FDFT1: variants seen among roughly 807,000 people sequenced by gnomAD.
FDFT1 encodes squalene synthase.
In FDFT1, 68 loss-of-function variants were observed where a neutral mutation model predicts 46.8. The observed-to-expected ratio is 1.45, with a 90% CI of 1.19 to 1.78. FDFT1 has a LOEUF of 1.78. Among genes scored for constraint, FDFT1 ranks in the 40% most tolerant of loss-of-function variants. The pLI is 0.00. For synonymous variants in FDFT1, 351 were observed against 185.1 expected, an observed-to-expected ratio of 1.90 and a Z score of -7.28; for missense variants, 928 against 524.4, an observed-to-expected ratio of 1.77 and a Z score of -7.52.
At chr8:11,828,608 A>G (rs1486937634) in intron 5 of FDFT1, among the ~76,000 whole-genome samples, 3 of 152,274 alleles carry the variant, frequency 2.0e-5, no homozygotes, top group African/African-American at 7.2e-5. Flanking sequence ...TCTTGCACAC[A>G]CAGGAGCAGA....
At chr8:11,808,505 G>T (rs1230099495) in intron 1 of FDFT1, 2 of 1,329,064 alleles carry the variant, frequency 1.5e-6, no homozygotes, top group Non-Finnish European at 1.9e-6. Context: ...ACTCCGCGGG[G>T]TCCGCGATTC....
rs755611965 is a variant in FDFT1 at position 11,835,971 on chromosome 8, T to TA, written c.1033-2393dup. ...TTATGTGATGAAACCCTGTCTCTAC[T>TA]AAAAAAAAAAAAAAAAAAAAAAAAT... On this transcript the variant is annotated intron_variant, in intron 7 of 7. Transcript: ENST00000220584. 7.1e-4 allele frequency among the ~76,000 whole-genome samples: 46 copies of TA among 64,614 alleles called. 1 individual carries two copies. The highest frequency in any genetic ancestry group is 1.5e-3 in the African/African-American group (29 of 19,766). 42.4% of individuals were successfully genotyped at this position (64,614 alleles called of 152,430 possible).
chr8:11,805,473 T>C (rs1015589722), intron 1 of FDFT1, among the ~76,000 whole-genome samples: 10 of 152,246 alleles, frequency 6.6e-5, no homozygotes, highest in African/African-American at 2.2e-4. Context: ...ATCTAAATCC[T>C]GTTATTTAGA....
upstream of FDFT1, among the ~76,000 whole-genome samples, chr8:11,801,473 C>T (rs1361866232): frequency 6.6e-6 from 1 of 152,188 alleles, no homozygotes; most frequent in Non-Finnish European, 1.5e-5. Flanking sequence ...GCGCCTGCCA[C>T]CATGCCTGGC....
At chr8:11,825,233 T>C (rs1809798489) in intron 4 of FDFT1, among the ~76,000 whole-genome samples, 1 of 152,112 alleles carries the variant, frequency 6.6e-6, no homozygotes, top group Non-Finnish European at 1.5e-5. Context: ...CATAGTTTTA[T>C]GTATCAAAAA....
chr8:11,812,687 G>A (rs1265858173), intron 3 of FDFT1, among the ~76,000 whole-genome samples: 4 of 152,156 alleles, frequency 2.6e-5, no homozygotes, highest in Admixed American at 2.0e-4. Flanking sequence ...TAGTATGTGG[G>A]CCTCCATTTG....
intron 1 of FDFT1, chr8:11,808,521 G>A: frequency 7.5e-7 from 1 of 1,332,270 alleles, no homozygotes; most frequent in Non-Finnish European, 9.6e-7. Context: ...GATTCCCATG[G>A]CCGCAGCCGC....
At chr8:11,824,870 G>T (rs1809750338) in intron 4 of FDFT1, among the ~76,000 whole-genome samples, 1 of 152,054 alleles carries the variant, frequency 6.6e-6, no homozygotes, top group Non-Finnish European at 1.5e-5. Flanking sequence ...TGAGTAGCTG[G>T]GACTACAGGC....
In FDFT1 at chr8:11,826,134, G is replaced by C. The variant is rs763584938; in HGVS notation, c.621G>C (p.Met207Ile). The part of the protein sequence containing the change: ...VGEDTERANS[M>I]GLFLQKTNII... Reference sequence around the variant, plus strand: ...AAGATACAGAACGTGCCAACTCTATGGGCCTGTTTTTGCAGAAAACAAACA... The same window carrying C: ...AAGATACAGAACGTGCCAACTCTATCGGCCTGTTTTTGCAGAAAACAAACA... Residue 207 changes from methionine (M) to isoleucine (I), a missense_variant, in exon 5 of 8, where the codon ATG becomes ATC. Transcript: ENST00000220584. 6.2e-7 allele frequency: 1 copy of C among 1,609,076 alleles called. No homozygotes were observed. Among genetic ancestry groups the C allele is most frequent in the Non-Finnish European group, 8.5e-7 (1 of 1,176,192 alleles).
At chr8:11,824,157 T>G (rs1809642457) in intron 4 of FDFT1, among the ~76,000 whole-genome samples, 1 of 152,178 alleles carries the variant, frequency 6.6e-6, no homozygotes, top group East Asian at 1.9e-4. Flanking sequence ...ACTTCGGTCA[T>G]TTCCTAACTT....
intron 1 of FDFT1, chr8:11,808,278 CG>C: frequency 1.6e-6 from 2 of 1,219,758 alleles, no homozygotes; most frequent in Non-Finnish European, 2.0e-6. Context: ...GCGAGCCGCT[CG>C]GAAGTGCGCT....
intron 3 of FDFT1, among the ~76,000 whole-genome samples, chr8:11,820,882 C>G (rs890587525): frequency 6.6e-5 from 10 of 152,218 alleles, no homozygotes; most frequent in Admixed American, 3.3e-4. Flanking sequence ...CACCCACTGT[C>G]CAACCAGTGC....
chr8:11,808,591 C>A, intron 1 of FDFT1: 1 of 1,387,004 alleles, frequency 7.2e-7, no homozygotes, highest in Non-Finnish European at 9.3e-7. Flanking sequence ...CCCGCCGCGG[C>A]GCCCAGGGGC....
At chr8:11,825,929 C>A in intron 4 of FDFT1, 95 bp from the exon 5 acceptor site, 1 of 771,632 alleles carries the variant, frequency 1.3e-6, no homozygotes, top group African/African-American at 1.7e-5. Context: ...TACCCATTCT[C>A]TTTTGAACCT....
intron 1 of FDFT1, 124 bp from the exon 2 acceptor site, chr8:11,808,670 T>A: frequency 6.8e-7 from 1 of 1,477,502 alleles, no homozygotes. Flanking sequence ...AGGACTGGCC[T>A]CGGGGAGAGG....
intron 3 of FDFT1, among the ~76,000 whole-genome samples, chr8:11,818,859 G>C (rs940457861): frequency 6.6e-6 from 1 of 152,086 alleles, no homozygotes; most frequent in African/African-American, 2.4e-5. Flanking sequence ...TTATATTTAA[G>C]GTTAATATTG....
intron 3 of FDFT1, among the ~76,000 whole-genome samples, chr8:11,813,113 G>A (rs954468453): frequency 2.6e-5 from 4 of 152,160 alleles, no homozygotes; most frequent in African/African-American, 9.7e-5. Context: ...GTAAGTATTT[G>A]TGTATTTAAA....
At chr8:11,820,161 C>T (rs1469788778) in intron 3 of FDFT1, among the ~76,000 whole-genome samples, 3 of 152,176 alleles carry the variant, frequency 2.0e-5, no homozygotes, top group Admixed American at 2.0e-4. Flanking sequence ...ACCTGGGTAT[C>T]ACCAGTGGAG....
chr8:11,838,831 CTG>C lies in FDFT1; in HGVS notation c.*225_*226del. ...AACCTGTCCTTGTGGGTGATGATCA[CTG>C]TGCTGCTTGTGGCTCATGGCAGAGC... is the stretch of plus-strand genomic sequence containing the variant. On this transcript the variant is annotated 3_prime_UTR_variant, in exon 8 of 8. Coordinates refer to ENST00000220584, the MANE Select transcript of FDFT1 (RefSeq NM_004462.5). The C allele has an allele frequency of 1.8e-6, 1 of 560,370 alleles. No individual in the cohort carries two copies. Among genetic ancestry groups the C allele is most frequent in the South Asian group, 2.0e-5 (1 of 50,282 alleles). 34.7% of individuals were successfully genotyped at this position (560,370 alleles called of 1,614,324 possible).
Sources: allele counts gnomAD v4.1 joint callset (sites outside exome capture counted in the v4.1 genomes callset), GRCh38; gene constraint gnomAD v4.1.1; transcripts MANE v1.5; gene names NCBI Gene and HGNC (gene_info 2026-07-23, HGNC 2026-07-21).